RSRC1: variants seen among roughly 807,000 people sequenced by gnomAD.
The protein encoded by RSRC1 is arginine and serine rich coiled-coil 1.
A neutral mutation model predicts 49.1 loss-of-function variants in RSRC1; 39 were observed. The observed-to-expected ratio is 0.79, with a 90% CI of 0.61 to 1.04. The LOEUF is 1.04. RSRC1 is among the 50% of genes least tolerant of loss of function. The pLI is 0.00. For synonymous variants in RSRC1, 143 were observed against 130.8 expected (o/e 1.09, Z -0.63); for missense variants, 388 against 402.4 (o/e 0.96, Z 0.31).
chr3:158,308,203 A>G (rs976405865), intron 5 of RSRC1, among the ~76,000 whole-genome samples: 2 of 151,976 alleles, frequency 1.3e-5, no homozygotes, highest in African/African-American at 4.8e-5. Flanking sequence ...TTTCTTTGGC[A>G]TCATCATAAA....
At chr3:158,284,990 T>A (rs144794318) in intron 4 of RSRC1, among the ~76,000 whole-genome samples, 2,453 of 152,304 alleles carry the variant, frequency 0.016, 86 homozygotes, top group African/African-American at 0.056. Flanking sequence ...CTGAATGGTA[T>A]TGCCTAGGTT....
intron 8 of RSRC1, among the ~76,000 whole-genome samples, chr3:158,537,821 CTAAAA>C (rs1420073363): frequency 6.6e-6 from 1 of 151,650 alleles, no homozygotes; most frequent in African/African-American, 2.4e-5. Flanking sequence ...AATTAACACT[CTAAAA>C]TATTCTACAT....
intron 7 of RSRC1, among the ~76,000 whole-genome samples, chr3:158,519,821 G>A (rs1047572055): frequency 1.3e-5 from 2 of 152,082 alleles, no homozygotes; most frequent in Admixed American, 1.3e-4. Flanking sequence ...TACAAATGGT[G>A]TTTATAACTA....
chr3:158,215,645 A>G (rs1721908204), intron 4 of RSRC1, among the ~76,000 whole-genome samples: 1 of 151,234 alleles, frequency 6.6e-6, no homozygotes, highest in African/African-American at 2.4e-5. Context: ...TTTTGAGTAC[A>G]TTTCTGTATA....
At position 158,276,963 on chromosome 3, in the gene RSRC1, T is replaced by G. The variant is rs1725854242; in HGVS notation, c.495-21076T>G. Among the ~76,000 whole-genome samples the G allele has an allele frequency of 2.0e-5, 3 of 152,188 alleles. No homozygotes were observed. In the South Asian group the frequency reaches 6.2e-4, roughly 31 times the overall value. ...TATATAGTTTGAACACAATTAGAAT[T>G]TAAATGATTTAGACCAGAGATCAGT... On this transcript the variant is annotated intron_variant, in intron 4 of 9. Transcript: ENST00000611884.
chr3:158,520,528 ATTTGGGTCAAATGAC>A (rs1227142821), intron 7 of RSRC1, among the ~76,000 whole-genome samples: 1 of 152,148 alleles, frequency 6.6e-6, no homozygotes, highest in Non-Finnish European at 1.5e-5. Flanking sequence ...TTTCCTGAGT[ATTTGGGTCAAATGAC>A]TTTCTGATGT....
chr3:158,272,712 C>A (rs940310446), intron 4 of RSRC1, among the ~76,000 whole-genome samples: 2 of 151,946 alleles, frequency 1.3e-5, no homozygotes, highest in Non-Finnish European at 2.9e-5. Context: ...TTAGTAAAAA[C>A]TGAAACTTTT....
intron 4 of RSRC1, among the ~76,000 whole-genome samples, chr3:158,238,408 AGT>A (rs1177929836): frequency 0.017 from 2,544 of 152,240 alleles, 91 homozygotes; most frequent in African/African-American, 0.058. Flanking sequence ...CGCATCTCCA[AGT>A]CAATCCTAAG....
chr3:158,137,884 C>G (rs1263287113), intron 3 of RSRC1, among the ~76,000 whole-genome samples: 1 of 152,144 alleles, frequency 6.6e-6, no homozygotes, highest in Non-Finnish European at 1.5e-5. Context: ...GAATTCCTGA[C>G]CTCCTGATCT....
At chr3:158,270,342 G>A (rs951119065) in intron 4 of RSRC1, among the ~76,000 whole-genome samples, 1 of 152,134 alleles carries the variant, frequency 6.6e-6, no homozygotes, top group South Asian at 2.1e-4. Flanking sequence ...CTTGGAACCC[G>A]ACAAAAGGAT....
At chr3:158,307,102 C>T (rs1469344179) in intron 5 of RSRC1, among the ~76,000 whole-genome samples, 1 of 150,660 alleles carries the variant, frequency 6.6e-6, no homozygotes, top group Non-Finnish European at 1.5e-5. Context: ...TCATTGGTGA[C>T]TTCTCTTCTA....
At chr3:158,254,369 T>G (rs950761475) in intron 4 of RSRC1, among the ~76,000 whole-genome samples, 1 of 152,236 alleles carries the variant, frequency 6.6e-6, no homozygotes, top group African/African-American at 2.4e-5. Flanking sequence ...TGAACTAATT[T>G]ACACTCCTAC....
chr3:158,425,512 T>G (rs1047189223), intron 6 of RSRC1, among the ~76,000 whole-genome samples: 6 of 152,064 alleles, frequency 3.9e-5, no homozygotes, highest in Admixed American at 2.0e-4. Context: ...ATGTGTTCAA[T>G]TTTGGAATAG....
intron 7 of RSRC1, among the ~76,000 whole-genome samples, chr3:158,515,320 C>T (rs1218747238): frequency 4.1e-5 from 6 of 146,498 alleles, no homozygotes; most frequent in South Asian, 4.5e-4. Flanking sequence ...TCAGCATTTG[C>T]TTGTCTGTAA....
intron 6 of RSRC1, among the ~76,000 whole-genome samples, chr3:158,368,454 A>G (rs1731895119): frequency 6.6e-6 from 1 of 152,308 alleles, no homozygotes; most frequent in African/African-American, 2.4e-5. Context: ...GTCACTTCCT[A>G]CCAGGACCAT....
chr3:158,164,719 T>A (rs959446900), intron 3 of RSRC1, among the ~76,000 whole-genome samples: 37 of 152,200 alleles, frequency 2.4e-4, no homozygotes, highest in Non-Finnish European at 8.8e-5. Context: ...ATAGTGGCAG[T>A]TTAGCTAGGT....
chr3:158,175,955 T>C (rs900109872), intron 3 of RSRC1, among the ~76,000 whole-genome samples: 1 of 152,160 alleles, frequency 6.6e-6, no homozygotes, highest in South Asian at 2.1e-4. Context: ...GAGGTTCTCG[T>C]GCCATGGTTC....
rs192429807 is a variant in RSRC1 at position 158,491,559 on chromosome 3, A to G, written c.652+30556A>G. On this transcript the variant is annotated intron_variant, in intron 7 of 9. Coordinates refer to ENST00000611884, the MANE Select transcript of RSRC1 (RefSeq NM_001271838.2). The stretch of plus-strand genomic sequence containing the variant: ...TCGGTATAATTGGCTTTGTTATAAT[A>G]AAATTGTATGTTTTAACTGATTGAC... Among the ~76,000 whole-genome samples the G allele has an allele frequency of 9.6e-4, 146 of 152,292 alleles. 1 individual carries two copies. The East Asian group carries it at 0.028, about 29-fold the overall frequency.
At chr3:158,220,428 G>A (rs1040747951) in intron 4 of RSRC1, among the ~76,000 whole-genome samples, 6 of 151,456 alleles carry the variant, frequency 4.0e-5, no homozygotes, top group Non-Finnish European at 7.4e-5. Context: ...TTCTTCTGAC[G>A]CCGTACCGAA....
Sources: allele counts gnomAD v4.1 joint callset (sites outside exome capture counted in the v4.1 genomes callset), GRCh38; gene constraint gnomAD v4.1.1; transcripts MANE v1.5; gene names NCBI Gene and HGNC (gene_info 2026-07-23, HGNC 2026-07-21).